The following RYR3 variants were observed in gnomAD, a reference collection of about 807,000 sequenced individuals.
RYR3 encodes the protein brain ryanodine receptor-calcium release channel.
RYR3 carries 207 observed loss-of-function variants against 584.3 expected under a neutral mutation model. That is an observed-to-expected ratio of 0.35 (90% confidence interval 0.32 to 0.40). The LOEUF (loss-of-function observed/expected upper bound fraction) is 0.40. Ranked by LOEUF, RYR3 falls within the 10% of genes least tolerant of loss-of-function variation. The probability of loss-of-function intolerance (pLI) is 1.00; values close to 1 mark genes in which losing one functional copy is unlikely to be tolerated. For missense variants in RYR3, 5,616 were observed against 6,089.2 expected (o/e 0.92, Z 2.59); for synonymous variants, 2,416 against 2,248.5 (o/e 1.07, Z -2.11).
At chr15:33,756,826 G>C (rs578076593) in intron 59 of RYR3, among the ~76,000 whole-genome samples, 15 of 152,048 alleles carry the variant, frequency 9.9e-5, no homozygotes, top group Admixed American at 9.2e-4. Context: ...GGTACATATG[G>C]TACCCTCTTC....
intron 2 of RYR3, among the ~76,000 whole-genome samples, chr15:33,481,776 C>G (rs1055850923): frequency 1.4e-5 from 2 of 146,172 alleles, no homozygotes; most frequent in Non-Finnish European, 3.0e-5. Context: ...GCCACCAGGC[C>G]TGGCCTTGAA....
At chr15:33,362,536 C>T (rs1327904303) in intron 1 of RYR3, among the ~76,000 whole-genome samples, 1 of 152,194 alleles carries the variant, frequency 6.6e-6, no homozygotes, top group Non-Finnish European at 1.5e-5. Context: ...ATTAAATCTT[C>T]TGTTCAAGTG....
chr15:33,859,935 C>G lies in RYR3; in HGVS notation c.14299+204C>G, dbSNP rs190057479. 5.2e-3 allele frequency among the ~76,000 whole-genome samples: 785 copies of G among 152,262 alleles called. 2 individuals carry two copies. The highest frequency in any genetic ancestry group is 0.014 in the Middle Eastern group (4 of 294). ...CACACCCAGGCACAGTTATAAGAAG[C>G]TTCATCCATACAGAGGAACCCCTTC... is the stretch of plus-strand genomic sequence containing the variant. On this transcript the variant is annotated intron_variant, in intron 100 of 103. Coordinates refer to ENST00000634891, the MANE Select transcript of RYR3 (RefSeq NM_001036.6).
chr15:33,356,652 A>G (rs925991912), intron 1 of RYR3, among the ~76,000 whole-genome samples: 1 of 152,224 alleles, frequency 6.6e-6, no homozygotes, highest in Non-Finnish European at 1.5e-5. Context: ...TTGAGGATTA[A>G]ATGAGAGAGG....
chr15:33,562,486 C>T (rs1256097620), intron 10 of RYR3, among the ~76,000 whole-genome samples: 1 of 152,130 alleles, frequency 6.6e-6, no homozygotes, highest in Non-Finnish European at 1.5e-5. Flanking sequence ...AGTTAATTGG[C>T]TAGTAACAGA....
At chr15:33,397,424 A>G (rs1342592710) in intron 1 of RYR3, among the ~76,000 whole-genome samples, 1 of 152,228 alleles carries the variant, frequency 6.6e-6, no homozygotes, top group African/African-American at 2.4e-5. Context: ...GGCCCTATGC[A>G]TCAAAAGGTC....
intron 5 of RYR3, among the ~76,000 whole-genome samples, chr15:33,537,613 T>G (rs2055439505): frequency 6.6e-6 from 1 of 152,218 alleles, no homozygotes; most frequent in African/African-American, 2.4e-5. Flanking sequence ...TTCTGATTTC[T>G]TATCCTTTGT....
chr15:33,692,350 G>A (rs2065494069), intron 38 of RYR3, among the ~76,000 whole-genome samples: 1 of 152,126 alleles, frequency 6.6e-6, no homozygotes. Context: ...GGTTTGCTTG[G>A]TGGGTCCTGG....
intron 4 of RYR3, among the ~76,000 whole-genome samples, chr15:33,532,221 A>G (rs567544928): frequency 3.9e-5 from 6 of 152,236 alleles, no homozygotes; most frequent in Non-Finnish European, 4.4e-5. Flanking sequence ...AGCTATGCCC[A>G]TCAGTGAAGG....
At chr15:33,817,726 C>G (rs560995615) in intron 75 of RYR3, among the ~76,000 whole-genome samples, 131 of 151,894 alleles carry the variant, frequency 8.6e-4, no homozygotes, top group Non-Finnish European at 1.4e-3. Context: ...GTCTTTCATT[C>G]TTCCCATATA....
intron 1 of RYR3, among the ~76,000 whole-genome samples, chr15:33,455,454 A>T (rs573542248): frequency 1.3e-5 from 2 of 152,322 alleles, no homozygotes; most frequent in African/African-American, 4.8e-5. Context: ...CTCTAAAGGC[A>T]CAAGAGGCTG....
chr15:33,768,642 T>G lies in RYR3; in HGVS notation c.8706-16T>G. 6.2e-7 allele frequency: 1 copy of G among 1,613,600 alleles called. No homozygotes were observed. The highest frequency in any genetic ancestry group is 2.2e-5 in the East Asian group (1 of 44,876). ...AATCTCTGTGACTTTCTGAATTGCT[T>G]TCTTTTCTGCTTCAGCCTGTTCTGC... On this transcript the variant is annotated splice_polypyrimidine_tract_variant and intron_variant, in intron 60 of 103. Transcript: ENST00000634891.
rs373638439 is a variant in RYR3 at position 33,772,058 on chromosome 15, C to T, written c.8955C>T (p.Gly2985=). The T allele has an allele frequency of 1.4e-5, 22 of 1,613,460 alleles. No homozygotes were observed. The highest frequency in any genetic ancestry group is 9.9e-5 in the South Asian group (9 of 90,982). The change falls in exon 63 of 104, where the codon GGC becomes GGT. Residue 2985 remains glycine, a synonymous_variant. Coordinates refer to ENST00000634891, the MANE Select transcript of RYR3 (RefSeq NM_001036.6). ...CCCATTCCCGAACGCAGATTAAAGGCGTTTCTCAGAATATTAACTACACTA... is the reference window on the plus strand; with the variant it reads ...CCCATTCCCGAACGCAGATTAAAGGTGTTTCTCAGAATATTAACTACACTA... ...KFTHSRTQIK[G]VSQNINYTTV... is the part of the protein sequence containing the mutation.
At chr15:33,777,561 A>G (rs919736746) in intron 64 of RYR3, among the ~76,000 whole-genome samples, 3 of 152,116 alleles carry the variant, frequency 2.0e-5, no homozygotes, top group African/African-American at 7.2e-5. Flanking sequence ...CTTAGCACCA[A>G]TGTGCACCCC....
chr15:33,857,335 G>A (rs964491418), intron 98 of RYR3, among the ~76,000 whole-genome samples: 4 of 151,966 alleles, frequency 2.6e-5, no homozygotes, highest in African/African-American at 9.7e-5. Context: ...GTCCCTTCAC[G>A]TGTGCCTGTG....
chr15:33,586,795 T>C (rs551719926), intron 16 of RYR3, among the ~76,000 whole-genome samples: 46 of 152,184 alleles, frequency 3.0e-4, no homozygotes, highest in Non-Finnish European at 5.1e-4. Flanking sequence ...AACACAGTGA[T>C]CTGTGGGGAA....
chr15:33,442,481 A>G (rs963726856), intron 1 of RYR3, among the ~76,000 whole-genome samples: 9 of 152,220 alleles, frequency 5.9e-5, no homozygotes, highest in Non-Finnish European at 1.3e-4. Context: ...TCAGAGAACT[A>G]TTTGAGAATT....
intron 65 of RYR3, among the ~76,000 whole-genome samples, chr15:33,783,248 C>G (rs189082646): frequency 6.6e-6 from 1 of 152,140 alleles, no homozygotes; most frequent in Non-Finnish European, 1.5e-5. Context: ...CAGCCGGTCT[C>G]CAGGTGATGC....
chr15:33,461,872 A>G (rs1277575703), intron 1 of RYR3, among the ~76,000 whole-genome samples: 1 of 152,198 alleles, frequency 6.6e-6, no homozygotes, highest in East Asian at 1.9e-4. Flanking sequence ...TGGGCTCTTT[A>G]TCCACCTGGA....
Sources: allele counts gnomAD v4.1 joint callset (sites outside exome capture counted in the v4.1 genomes callset), GRCh38; gene constraint gnomAD v4.1.1; transcripts MANE v1.5; gene names NCBI Gene and HGNC (gene_info 2026-07-23, HGNC 2026-07-21).